Variants in TMX2 observed in about 807,000 individuals in gnomAD.
The protein encoded by TMX2 is thioredoxin-related transmembrane protein 2.
In TMX2, 20 loss-of-function variants were observed where a neutral mutation model predicts 33.4. The ratio of observed to expected loss-of-function variants is 0.60; its 90% CI spans 0.42 to 0.87. The LOEUF is 0.87. TMX2 is among the 40% of genes least tolerant of loss of function. TMX2 has a pLI of 0.00. For synonymous variants in TMX2, 166 were observed against 140.7 expected (o/e 1.18, Z -1.27); for missense variants, 340 against 370.7 (o/e 0.92, Z 0.68).
rs1414000208 is a variant in TMX2 at position 57,740,932 on chromosome 11, T to G, written c.*687T>G. ...CCTCTGACATACTCCCCACACCCAG[T>G]TGATGGCTTTCCGTAATAAAAAGAT... is the stretch of plus-strand genomic sequence containing the variant. On this transcript the variant is annotated 3_prime_UTR_variant, in exon 8 of 8. Coordinates refer to ENST00000278422, the MANE Select transcript of TMX2 (RefSeq NM_015959.4). The G allele has an allele frequency of 6.6e-6, 1 of 152,292 alleles. No homozygotes were observed. The highest frequency in any genetic ancestry group is 1.5e-5 in the Non-Finnish European group (1 of 68,054). The allele number at this position is 152,292 out of a possible 1,614,324, so 9.4% of individuals were successfully genotyped here.
In TMX2 at chr11:57,738,366, C is replaced by T. The variant is rs778457063; in HGVS notation, c.377C>T (p.Thr126Met). 21 of 1,608,378 alleles carry T rather than the reference C, an allele frequency of 1.3e-5. No individual in the cohort carries two copies. The highest frequency in any genetic ancestry group is 3.3e-5 in the South Asian group (3 of 90,904). Residue 126 changes from threonine to methionine, a missense_variant, in exon 4 of 8, where the codon ACG becomes ATG. This residue lies in a region of TMX2 where 209 missense variants were observed against 241.6 expected (regional missense o/e 0.87). Coordinates refer to ENST00000278422, the MANE Select transcript of TMX2 (RefSeq NM_015959.4). ...TTTCTGTATTTAGTGTTCCTGATGA[C>T]GTGCAAACCCCCCCTATATATGGGC... ...YITLCIVFLM[T>M]CKPPLYMGPE...
At chr11:57,712,961 T>C (rs1218049354) in intron 1 of TMX2, among the ~76,000 whole-genome samples, 154 bp downstream of exon 1, 2 of 152,224 alleles carry the variant, frequency 1.3e-5, no homozygotes, top group African/African-American at 2.4e-5. Context: ...CGAACCATCA[T>C]CGAGTCTAAA....
chr11:57,712,824 T>TACTGGG lies in TMX2; in HGVS notation c.189+17_189+18insACTGGG. ...TTTGACTGGGTGAGCCTCCCGCGTG[T>TACTGGG]TAGTACCCCGCGACCTTGACTGTCC... On this transcript the variant is annotated intron_variant, in intron 1 of 7. Coordinates refer to ENST00000278422, the MANE Select transcript of TMX2 (RefSeq NM_015959.4). The TACTGGG allele has an allele frequency of 6.2e-7, 1 of 1,613,730 alleles. No homozygotes were observed. The highest frequency in any genetic ancestry group is 8.5e-7 in the Non-Finnish European group (1 of 1,179,922).
chr11:57,729,055 C>T (rs1310367990), intron 1 of TMX2, among the ~76,000 whole-genome samples: 29 of 151,878 alleles, frequency 1.9e-4, no homozygotes, highest in East Asian at 3.9e-4. Context: ...GCAAGCAGCA[C>T]GCATCAATCC....
At chr11:57,738,812 G>A (rs779242589) in intron 5 of TMX2, 42 bp downstream of exon 5, 3 of 1,576,744 alleles carry the variant, frequency 1.9e-6, no homozygotes, top group South Asian at 1.1e-5. Flanking sequence ...TGGAGATGCT[G>A]TGCCTTCCCT....
chr11:57,728,805 G>A (rs546967276), intron 1 of TMX2, among the ~76,000 whole-genome samples: 4 of 152,298 alleles, frequency 2.6e-5, no homozygotes, highest in African/African-American at 9.6e-5. Context: ...GCCCCTGGGT[G>A]ACTGGGGGCT....
chr11:57,726,172 G>C (rs1403764205), intron 1 of TMX2, among the ~76,000 whole-genome samples: 1 of 152,180 alleles, frequency 6.6e-6, no homozygotes, highest in South Asian at 2.1e-4. Context: ...TAGCACTTTG[G>C]TAGGCTGGGG....
chr11:57,738,077 TAG>T lies in TMX2; in HGVS notation c.364+53_364+54del, dbSNP rs1285913458. The T allele has an allele frequency of 2.1e-6, 3 of 1,431,898 alleles. No individual in the cohort carries two copies. The Admixed American group carries it at 6.4e-5, about 30-fold the overall frequency. 88.7% of individuals were successfully genotyped at this position (1,431,898 alleles called of 1,614,324 possible). On this transcript the variant is annotated intron_variant, in intron 3 of 7. Transcript: ENST00000278422. ...TTTTTTTTTTGTAAGACTGTGTTGA[TAG>T]ACTTGATTGTGGAAACCACAGTCCC...
chr11:57,733,151 C>T (rs975218230), intron 1 of TMX2, among the ~76,000 whole-genome samples: 2 of 150,248 alleles, frequency 1.3e-5, no homozygotes, highest in Non-Finnish European at 2.9e-5. Context: ...TGTCATGATA[C>T]GGCACATGAC....
intron 1 of TMX2, among the ~76,000 whole-genome samples, chr11:57,726,024 A>G (rs2135540235): frequency 6.6e-6 from 1 of 152,290 alleles, no homozygotes; most frequent in East Asian, 1.9e-4. Context: ...CATATTTTAA[A>G]TTATTTCTCA....
At chr11:57,716,207 G>C (rs1451295166) in intron 1 of TMX2, among the ~76,000 whole-genome samples, 1 of 151,014 alleles carries the variant, frequency 6.6e-6, no homozygotes, top group Non-Finnish European at 1.5e-5. Flanking sequence ...TGGCCGGGCG[G>C]GGGGCTGACC....
chr11:57,740,460 A>G lies in TMX2; in HGVS notation c.*215A>G. 1 of 527,624 alleles carries G rather than the reference A, an allele frequency of 1.9e-6. No homozygotes were observed. Among genetic ancestry groups the G allele is most frequent in the South Asian group, 2.8e-5 (1 of 36,116 alleles). The allele number at this position is 527,624 out of a possible 1,614,324, so 32.7% of individuals were successfully genotyped here. On this transcript the variant is annotated 3_prime_UTR_variant, in exon 8 of 8. Transcript: ENST00000278422. ...TGGCCAACTGTTTCACTGGAGCAAG[A>G]AAGAGATCTCATAGGACGGAGGGGG...
chr11:57,737,067 TC>T (rs1177657613), intron 1 of TMX2, among the ~76,000 whole-genome samples: 1 of 152,128 alleles, frequency 6.6e-6, no homozygotes, highest in Non-Finnish European at 1.5e-5. Context: ...TCTCATTTAA[TC>T]CCCCAGTAGC....
At chr11:57,725,093 G>A (rs997221981) in intron 1 of TMX2, among the ~76,000 whole-genome samples, 4 of 151,586 alleles carry the variant, frequency 2.6e-5, no homozygotes, top group African/African-American at 9.7e-5. Flanking sequence ...ACATCTAATT[G>A]GGGGATGTTT....
At chr11:57,727,533 A>G (rs1267283433) in intron 1 of TMX2, among the ~76,000 whole-genome samples, 1 of 152,154 alleles carries the variant, frequency 6.6e-6, no homozygotes, top group African/African-American at 2.4e-5. Flanking sequence ...ATAAATTCTC[A>G]TCAGATGGGT....
rs527711517 is a variant in TMX2 at position 57,716,619 on chromosome 11, C to T, written c.189+3812C>T. Among the ~76,000 whole-genome samples, 38 of 135,626 alleles carry T rather than the reference C, an allele frequency of 2.8e-4. No homozygotes were observed. The South Asian group carries it at 7.4e-3, about 27-fold the overall frequency. 89.0% of individuals were successfully genotyped at this position (135,626 alleles called of 152,430 possible). On this transcript the variant is annotated intron_variant, in intron 1 of 7. Transcript: ENST00000278422. ...GGCGGCTGGCCGGGTGGGGGGCTGACCCCCCCACCTCCCTCCCGGACGGGG... is the reference window on the plus strand; with the variant it reads ...GGCGGCTGGCCGGGTGGGGGGCTGATCCCCCCACCTCCCTCCCGGACGGGG...
chr11:57,734,658 G>A (rs1458867966), intron 1 of TMX2, among the ~76,000 whole-genome samples: 1 of 151,968 alleles, frequency 6.6e-6, no homozygotes, highest in Non-Finnish European at 1.5e-5. Context: ...TGAGGCAGGA[G>A]AATTGCTTGA....
intron 1 of TMX2, among the ~76,000 whole-genome samples, chr11:57,714,053 G>C (rs917417832): frequency 3.3e-5 from 5 of 152,192 alleles, no homozygotes; most frequent in Admixed American, 6.6e-5. Context: ...CTGGTTTCCA[G>C]GGACCTTTAA....
At chr11:57,735,023 G>T (rs1056933134) in intron 1 of TMX2, among the ~76,000 whole-genome samples, 12 of 150,854 alleles carry the variant, frequency 8.0e-5, no homozygotes, top group Non-Finnish European at 1.5e-4. Context: ...CCAGCTACTC[G>T]GGAGGCTGAG....
Sources: allele counts gnomAD v4.1 joint callset (sites outside exome capture counted in the v4.1 genomes callset), GRCh38; gene constraint gnomAD v4.1.1; regional missense constraint gnomAD v4.1.1; transcripts MANE v1.5; gene names NCBI Gene and HGNC (gene_info 2026-07-23, HGNC 2026-07-21).